Variants in MSI2 observed in about 807,000 individuals in gnomAD.
MSI2 encodes the protein RNA-binding protein Musashi homolog 2.
In MSI2, 17 loss-of-function variants were observed where a neutral mutation model predicts 45.6. That is an observed-to-expected ratio of 0.37 (90% confidence interval 0.26 to 0.56). The LOEUF (loss-of-function observed/expected upper bound fraction) is 0.56, where lower values mean the gene tolerates loss of function less well. Ranked by LOEUF, MSI2 falls within the 20% of genes least tolerant of loss-of-function variation. The probability of loss-of-function intolerance (pLI) is 0.77; values close to 1 mark genes in which losing one functional copy is unlikely to be tolerated. For synonymous variants in MSI2, 156 were observed against 158.2 expected (o/e 0.99, Z 0.11); for missense variants, 293 against 444.2 (o/e 0.66, Z 3.06).
intron 12 of MSI2, among the ~76,000 whole-genome samples, chr17:57,675,491 A>T (rs139883918): frequency 2.0e-5 from 3 of 152,208 alleles, no homozygotes; most frequent in Admixed American, 2.0e-4. Flanking sequence ...TATTCGAAAC[A>T]GTGTCCCACG....
the MSI2 span, among the ~76,000 whole-genome samples, chr17:57,694,173 C>A: frequency 6.6e-6 from 1 of 152,194 alleles, no homozygotes; most frequent in Non-Finnish European, 1.5e-5. Flanking sequence ...CCTTTGTAGA[C>A]AAAGTTTGCC....
At chr17:57,325,038 C>T (rs997410900) in intron 5 of MSI2, among the ~76,000 whole-genome samples, 3 of 152,178 alleles carry the variant, frequency 2.0e-5, no homozygotes, top group Admixed American at 2.0e-4. Context: ...TTTATCACAG[C>T]ACAGTTCCCA....
In MSI2 at chr17:57,529,878, C is replaced by A. The variant is rs2086785939; in HGVS notation, c.454+154C>A. ...TGAAGATCTTTATTCACGGAGAGTC[C>A]CAGTAGCACAAAGAGTTCCAGTACT... On this transcript the variant is annotated intron_variant, in intron 7 of 13. Transcript: ENST00000284073. The surrounding 1 kb of genome is among the most constrained non-coding windows in gnomAD (Gnocchi z 5.3). Among the ~76,000 whole-genome samples the A allele has an allele frequency of 6.6e-6, 1 of 152,028 alleles. No individual in the cohort carries two copies. Among genetic ancestry groups the A allele is most frequent in the African/African-American group, 2.4e-5 (1 of 41,386 alleles).
intron 6 of MSI2, among the ~76,000 whole-genome samples, chr17:57,504,026 C>T (rs1018949990): frequency 1.3e-5 from 2 of 152,220 alleles, no homozygotes; most frequent in African/African-American, 4.8e-5. Flanking sequence ...TGAGCCACCG[C>T]GCCCGGCCGG....
At chr17:57,488,683 G>A in intron 6 of MSI2, among the ~76,000 whole-genome samples, 1 of 152,112 alleles carries the variant, frequency 6.6e-6, no homozygotes, top group Non-Finnish European at 1.5e-5. Context: ...AATTATCTGG[G>A]TATGGTGGTG....
intron 10 of MSI2, chr17:57,632,172 T>C: frequency 8.5e-7 from 1 of 1,175,268 alleles, no homozygotes; most frequent in Non-Finnish European, 1.1e-6. Flanking sequence ...CATCAAATGT[T>C]TTTAAGTCAT....
chr17:57,428,616 C>T lies in MSI2; in HGVS notation c.405+27145C>T, dbSNP rs138469705. ...CTAATGTACAGCTGCAATTGTGAAA[C>T]ATTCATTACCTGTTTTCATATTTAG... On this transcript the variant is annotated intron_variant, in intron 6 of 13. Transcript: ENST00000284073. 3.4e-3 allele frequency among the ~76,000 whole-genome samples: 511 copies of T among 152,268 alleles called. 5 individuals carry two copies. Among genetic ancestry groups the T allele is most frequent in the African/African-American group, 0.011 (471 of 41,554 alleles).
intron 6 of MSI2, among the ~76,000 whole-genome samples, chr17:57,416,457 C>G (rs77694330): frequency 0.016 from 2,419 of 152,214 alleles, 61 homozygotes; most frequent in African/African-American, 0.056. Context: ...ATTTTCCCTC[C>G]CATAGGAAGC....
At chr17:57,630,380 A>C (rs1400794615) in intron 10 of MSI2, 1 of 152,242 alleles carries the variant, frequency 6.6e-6, no homozygotes, top group African/African-American at 2.4e-5. Context: ...CCTGTTCTCA[A>C]CCATCAAACT....
chr17:57,466,414 G>T (rs1264487168), intron 6 of MSI2, among the ~76,000 whole-genome samples: 2 of 152,210 alleles, frequency 1.3e-5, no homozygotes, highest in Non-Finnish European at 2.9e-5. Flanking sequence ...ATGGGAGGCG[G>T]CAGTCCATTG....
intron 6 of MSI2, among the ~76,000 whole-genome samples, chr17:57,497,026 G>A (rs1211392731): frequency 6.6e-6 from 1 of 152,120 alleles, no homozygotes; most frequent in African/African-American, 2.4e-5. Flanking sequence ...TGCCCAGGCT[G>A]GAGTGCGATG....
At chr17:57,587,648 A>G (rs1284306903) in intron 7 of MSI2, among the ~76,000 whole-genome samples, 1 of 150,796 alleles carries the variant, frequency 6.6e-6, no homozygotes, top group Non-Finnish European at 1.5e-5. Flanking sequence ...GTGTGGGGGA[A>G]TAAAGAAGAC....
At position 57,287,782 on chromosome 17, in the gene MSI2, G is replaced by A. The variant is rs117749634; in HGVS notation, c.312+25590G>A. ...GCGGAGCAGGATGTCTGTTTCGGCC[G>A]GTTATGAATGAAATCAGAGTCCTGT... On this transcript the variant is annotated intron_variant, in intron 5 of 13. Transcript: ENST00000284073. 3.8e-3 allele frequency among the ~76,000 whole-genome samples: 576 copies of A among 152,336 alleles called. 2 individuals carry two copies. The highest frequency in any genetic ancestry group is 5.6e-3 in the Non-Finnish European group (379 of 68,032).
chr17:57,507,582 CA>C (rs1567866092), intron 6 of MSI2, among the ~76,000 whole-genome samples: 1 of 152,082 alleles, frequency 6.6e-6, no homozygotes, highest in Admixed American at 6.5e-5. Context: ...GACCAAAATG[CA>C]ATAGGACTAT....
intron 6 of MSI2, among the ~76,000 whole-genome samples, chr17:57,474,844 G>A (rs2085508321): frequency 6.6e-6 from 1 of 152,096 alleles, no homozygotes; most frequent in Non-Finnish European, 1.5e-5. Flanking sequence ...TCAGCATCCT[G>A]AGTAGCTGGG....
chr17:57,258,254 CTT>C lies in MSI2; in HGVS notation c.186-14_186-13del. ...CATTTTCTTGTTTGTTTTTCTCCCTCTTTGTCTCCTTTCAGAGGCTTCGGTTT... is the reference window on the plus strand; with the variant it reads ...CATTTTCTTGTTTGTTTTTCTCCCTCTGTCTCCTTTCAGAGGCTTCGGTTT... On this transcript the variant is annotated splice_polypyrimidine_tract_variant and intron_variant, in intron 3 of 13. Coordinates refer to ENST00000284073, the MANE Select transcript of MSI2 (RefSeq NM_138962.4). The C allele has an allele frequency of 6.2e-7, 1 of 1,612,772 alleles. No homozygotes were observed.
intron 5 of MSI2, among the ~76,000 whole-genome samples, chr17:57,356,494 A>T (rs71387497): frequency 6.6e-6 from 1 of 152,136 alleles, no homozygotes; most frequent in Admixed American, 6.5e-5. Context: ...ACAACACAGT[A>T]TTGATAAGAT....
intron 5 of MSI2, among the ~76,000 whole-genome samples, chr17:57,294,299 C>A (rs181197434): frequency 3.8e-4 from 58 of 152,220 alleles, no homozygotes; most frequent in Non-Finnish European, 5.6e-4. Flanking sequence ...CATCTGGGTG[C>A]TGTTTGAGCA....
At chr17:57,353,031 G>A (rs1598159530) in intron 5 of MSI2, among the ~76,000 whole-genome samples, 1 of 152,202 alleles carries the variant, frequency 6.6e-6, no homozygotes, top group African/African-American at 2.4e-5. Context: ...AGTCAAGATG[G>A]AGAATTTCCC....
Sources: allele counts gnomAD v4.1 joint callset (sites outside exome capture counted in the v4.1 genomes callset), GRCh38; gene constraint gnomAD v4.1.1; non-coding constraint Gnocchi (gnomAD v3.1); transcripts MANE v1.5; gene names NCBI Gene and HGNC (gene_info 2026-07-23, HGNC 2026-07-21).